Variants in ROBO1 observed in about 807,000 individuals in gnomAD.
The protein encoded by ROBO1 is roundabout guidance receptor 1.
Under a neutral mutation model 195.9 loss-of-function variants are expected in ROBO1, and 149 were observed. The ratio of observed to expected loss-of-function variants is 0.76; its 90% CI spans 0.67 to 0.87. The LOEUF (loss-of-function observed/expected upper bound fraction) is 0.87. Ranked by LOEUF, ROBO1 falls within the 40% of genes least tolerant of loss-of-function variation. The probability of loss-of-function intolerance (pLI) is 0.00; values close to 1 mark genes in which losing one functional copy is unlikely to be tolerated. For synonymous variants in ROBO1, 816 were observed against 733.2 expected (o/e 1.11, Z -1.82); for missense variants, 1,933 against 2,068.3 (o/e 0.93, Z 1.27).
chr3:78,766,864 T>C (rs2083241134), intron 4 of ROBO1, among the ~76,000 whole-genome samples: 1 of 152,326 alleles, frequency 6.6e-6, no homozygotes, highest in South Asian at 2.1e-4. Context: ...TTTCTGCATC[T>C]ATTGAGATGA....
At chr3:79,664,335 A>C (rs958133143) in intron 1 of ROBO1, among the ~76,000 whole-genome samples, 2 of 152,048 alleles carry the variant, frequency 1.3e-5, no homozygotes, top group Non-Finnish European at 2.9e-5. Flanking sequence ...TGATGTCTTA[A>C]AATGAGTAGA....
intron 1 of ROBO1, among the ~76,000 whole-genome samples, chr3:79,680,478 A>G (rs1946911722): frequency 6.6e-6 from 1 of 152,018 alleles, no homozygotes; most frequent in Non-Finnish European, 1.5e-5. Context: ...ATGGGAAAGG[A>G]AAATACATAA....
At chr3:79,492,478 T>C (rs1032834078) in intron 2 of ROBO1, among the ~76,000 whole-genome samples, 5 of 150,414 alleles carry the variant, frequency 3.3e-5, no homozygotes, top group African/African-American at 1.2e-4. Context: ...GAATTATATA[T>C]TTTAAATTAT....
rs1195160844 is a variant in ROBO1 at position 78,614,524 on chromosome 3, G to T, written c.4435+124C>A. On this transcript the variant is annotated intron_variant, in intron 28 of 30. Coordinates refer to ENST00000464233, the MANE Select transcript of ROBO1 (RefSeq NM_002941.4). ...AGTAGGTCGCTTCTATAAGTAATAT[G>T]AAGCTGATTGTTAATAAATTTTTAA... is the stretch of plus-strand genomic sequence containing the variant. 7.4e-6 allele frequency: 8 copies of T among 1,075,188 alleles called. No homozygotes were observed. The East Asian group carries it at 2.1e-4, about 28-fold the overall frequency. 66.6% of individuals were successfully genotyped at this position (1,075,188 alleles called of 1,614,324 possible).
intron 4 of ROBO1, among the ~76,000 whole-genome samples, chr3:78,798,666 A>G (rs188337688): frequency 3.0e-4 from 45 of 152,324 alleles, no homozygotes; most frequent in Middle Eastern, 3.4e-3. Flanking sequence ...ATTTCATCAT[A>G]TATTTTTAGA....
intron 3 of ROBO1, among the ~76,000 whole-genome samples, chr3:79,113,894 A>G (rs1335009167): frequency 6.6e-6 from 1 of 152,130 alleles, no homozygotes; most frequent in African/African-American, 2.4e-5. Context: ...CATAACTTAT[A>G]TGGTTTGGCT....
intron 1 of ROBO1, among the ~76,000 whole-genome samples, chr3:79,705,251 T>C (rs72899808): frequency 0.014 from 2,078 of 152,150 alleles, 41 homozygotes; most frequent in African/African-American, 0.047. Context: ...GTTGTATCTA[T>C]AAAGTTACTA....
intron 3 of ROBO1, among the ~76,000 whole-genome samples, chr3:79,111,709 A>G (rs1421113863): frequency 6.6e-6 from 1 of 152,308 alleles, no homozygotes; most frequent in South Asian, 2.1e-4. Context: ...AGACCAGAAA[A>G]GAAGAAAATA....
intron 2 of ROBO1, among the ~76,000 whole-genome samples, chr3:79,492,729 C>A (rs1395709797): frequency 6.6e-6 from 1 of 151,976 alleles, no homozygotes; most frequent in South Asian, 2.1e-4. Context: ...ACACATCTGA[C>A]ATATAATGTA....
At chr3:79,027,454 G>A (rs1358938652) in intron 3 of ROBO1, among the ~76,000 whole-genome samples, 3 of 151,786 alleles carry the variant, frequency 2.0e-5, no homozygotes, top group Non-Finnish European at 4.4e-5. Context: ...TCACATTTGA[G>A]CAGCCAAATT....
chr3:79,169,078 T>G (rs2081122117), intron 2 of ROBO1, among the ~76,000 whole-genome samples: 1 of 152,106 alleles, frequency 6.6e-6, no homozygotes, highest in African/African-American at 2.4e-5. Flanking sequence ...ATGGAACTAT[T>G]AAAGAACTGA....
At chr3:79,104,674 G>A (rs1005068047) in intron 3 of ROBO1, among the ~76,000 whole-genome samples, 3 of 151,642 alleles carry the variant, frequency 2.0e-5, no homozygotes, top group African/African-American at 7.3e-5. Flanking sequence ...ATCATCCTGA[G>A]CATAAAGAGG....
chr3:79,106,498 G>A (rs896233415), intron 3 of ROBO1, among the ~76,000 whole-genome samples: 4 of 151,330 alleles, frequency 2.6e-5, no homozygotes, highest in Admixed American at 6.6e-5. Context: ...AGAAATACCT[G>A]GATTTCTATT....
chr3:78,646,264 C>T (rs908008327), intron 20 of ROBO1, 74 bp from the exon 21 acceptor site: 28 of 1,361,584 alleles, frequency 2.1e-5, no homozygotes, highest in East Asian at 1.2e-4. Context: ...CATTCATGAG[C>T]TTCTTTCTAA....
At chr3:79,553,376 A>C (rs1036925655) in intron 2 of ROBO1, among the ~76,000 whole-genome samples, 1 of 152,084 alleles carries the variant, frequency 6.6e-6, no homozygotes, top group Non-Finnish European at 1.5e-5. Flanking sequence ...TACTGAATGT[A>C]TATCATTTCA....
chr3:79,550,399 G>C (rs1007291199), intron 2 of ROBO1, among the ~76,000 whole-genome samples: 1 of 152,038 alleles, frequency 6.6e-6, no homozygotes, highest in African/African-American at 2.4e-5. Context: ...CAAAGCACAT[G>C]GTAAGCCAGG....
At chr3:79,173,712 A>G (rs1256455347) in intron 2 of ROBO1, among the ~76,000 whole-genome samples, 1 of 152,172 alleles carries the variant, frequency 6.6e-6, no homozygotes, top group Non-Finnish European at 1.5e-5. Flanking sequence ...GTGCGGGCAC[A>G]GGGTGCAGGA....
chr3:79,018,396 C>G, intron 3 of ROBO1: 1 of 1,613,710 alleles, frequency 6.2e-7, no homozygotes, highest in Non-Finnish European at 8.5e-7. Context: ...AGAAAGAAGA[C>G]GCGGGGTTAC....
chr3:78,941,425 C>T (rs542342705), intron 3 of ROBO1, among the ~76,000 whole-genome samples: 4 of 152,254 alleles, frequency 2.6e-5, no homozygotes, highest in African/African-American at 9.6e-5. Flanking sequence ...TGTTCTTGGC[C>T]TTTACCTTGG....
Sources: allele counts gnomAD v4.1 joint callset (sites outside exome capture counted in the v4.1 genomes callset), GRCh38; gene constraint gnomAD v4.1.1; transcripts MANE v1.5; gene names NCBI Gene and HGNC (gene_info 2026-07-23, HGNC 2026-07-21).